The following PTPRT variants were observed in gnomAD, a reference collection of about 807,000 sequenced individuals.
The protein encoded by PTPRT is receptor-type tyrosine-protein phosphatase T.
Under a neutral mutation model 176.8 loss-of-function variants are expected in PTPRT, and 56 were observed. The observed-to-expected ratio is 0.32, with a 90% CI of 0.26 to 0.40. The LOEUF (loss-of-function observed/expected upper bound fraction) is 0.40. Ranked by LOEUF, PTPRT falls within the 10% of genes least tolerant of loss-of-function variation. PTPRT has a pLI of 1.00. For synonymous variants in PTPRT, 783 were observed against 739.0 expected, an observed-to-expected ratio of 1.06 and a Z score of -0.96; for missense variants, 1,540 against 1,908.2, an observed-to-expected ratio of 0.81 and a Z score of 3.60.
rs2079094724 is a variant in PTPRT, at chr20:42,885,910, G to C, written c.111C>G (p.His37Gln). 6.2e-7 allele frequency: 1 copy of C among 1,609,580 alleles called. No homozygotes were observed. Among genetic ancestry groups the C allele is most frequent in the Non-Finnish European group, 8.5e-7 (1 of 1,176,992 alleles). ...CCACACTATAACCACAGTTGCTGTA[G>C]TGCTCATCAAAGGAACAGCCACCTG... The part of the protein sequence containing the change: ...SAAGGCSFDE[H>Q]YSNCGYSVAL... The change falls in exon 2 of 31, where the codon CAC becomes CAG. Residue 37 changes from histidine (H) to glutamine (Q), a missense_variant. His to Gln is a conservative substitution (Grantham distance 24, BLOSUM62 0). Transcript: ENST00000373187.
intron 11 of PTPRT, among the ~76,000 whole-genome samples, chr20:42,328,994 A>G (rs2057925490): frequency 1.3e-5 from 2 of 152,092 alleles, no homozygotes; most frequent in South Asian, 4.1e-4. Context: ...TCTCTCACAC[A>G]GTTTCCCTAA....
intron 13 of PTPRT, among the ~76,000 whole-genome samples, chr20:42,260,751 C>A (rs905202623): frequency 6.6e-6 from 1 of 152,078 alleles, no homozygotes; most frequent in African/African-American, 2.4e-5. Context: ...AAAGCCCAGG[C>A]CAGGGCATGA....
chr20:42,283,155 G>A (rs1241918708), intron 12 of PTPRT, among the ~76,000 whole-genome samples: 2 of 152,126 alleles, frequency 1.3e-5, no homozygotes, highest in Non-Finnish European at 2.9e-5. Context: ...AAGTAAAAAG[G>A]ATTCATAAAT....
rs188360755 is a variant in PTPRT, at chr20:42,228,125, T to C, written c.2342+8104A>G. Among the ~76,000 whole-genome samples, 704 of 152,366 alleles carry C rather than the reference T, an allele frequency of 4.6e-3. 3 individuals carry two copies. Among genetic ancestry groups the C allele is most frequent in the Non-Finnish European group, 7.1e-3 (480 of 68,034 alleles). On this transcript the variant is annotated intron_variant, in intron 15 of 30. Coordinates refer to ENST00000373187, the MANE Select transcript of PTPRT (RefSeq NM_007050.6). ...GCCTCAAGACATCACTAATACCTGG[T>C]TGGTATTATTAGGTTGGTTTAAAAG...
chr20:42,886,056 T>C (rs957984876), intron 1 of PTPRT, 124 bp from the exon 2 acceptor site: 5 of 368,750 alleles, frequency 1.4e-5, no homozygotes, highest in African/African-American at 1.1e-4. Context: ...TTTCCATATA[T>C]ATATATATAT....
At chr20:42,909,351 C>A (rs2079517159) in intron 1 of PTPRT, among the ~76,000 whole-genome samples, 1 of 152,180 alleles carries the variant, frequency 6.6e-6, no homozygotes, top group Non-Finnish European at 1.5e-5. Flanking sequence ...TCCCACCCCT[C>A]ACCCCTAAAA....
At chr20:42,717,956 G>T (rs2076250416) in intron 6 of PTPRT, among the ~76,000 whole-genome samples, 1 of 152,170 alleles carries the variant, frequency 6.6e-6, no homozygotes, top group Non-Finnish European at 1.5e-5. Flanking sequence ...ATACCACAAT[G>T]AGCTATCACC....
At chr20:43,109,839 T>G (rs2012784276) in intron 1 of PTPRT, among the ~76,000 whole-genome samples, 1 of 152,094 alleles carries the variant, frequency 6.6e-6, no homozygotes, top group Admixed American at 6.5e-5. Flanking sequence ...GCAAAGGTCC[T>G]GGGGCCAAAA....
At chr20:42,608,467 A>G (rs184146525) in intron 7 of PTPRT, among the ~76,000 whole-genome samples, 1 of 152,304 alleles carries the variant, frequency 6.6e-6, no homozygotes, top group Non-Finnish European at 1.5e-5. Flanking sequence ...GGCAGGAGGA[A>G]GGAGACTCTG....
chr20:42,662,972 G>C (rs1015200291), intron 7 of PTPRT, among the ~76,000 whole-genome samples: 4 of 151,940 alleles, frequency 2.6e-5, no homozygotes, highest in Non-Finnish European at 5.9e-5. Flanking sequence ...ATATATGTGT[G>C]TGTGTGTGTG....
At chr20:42,325,166 G>A (rs1298732188) in intron 11 of PTPRT, among the ~76,000 whole-genome samples, 1 of 152,024 alleles carries the variant, frequency 6.6e-6, no homozygotes, top group African/African-American at 2.4e-5. Flanking sequence ...AAGGATTCTG[G>A]GAAGGAAGGA....
chr20:43,085,396 T>C (rs1469593753), intron 1 of PTPRT, among the ~76,000 whole-genome samples: 1 of 152,194 alleles, frequency 6.6e-6, no homozygotes, highest in African/African-American at 2.4e-5. Context: ...TATTAGCATA[T>C]AATCTGGGAA....
At chr20:42,883,715 C>CACACTCATATGCTCCCATACACATGCAT (rs2079047188) in intron 2 of PTPRT, among the ~76,000 whole-genome samples, 1 of 143,734 alleles carries the variant, frequency 7.0e-6, no homozygotes, top group African/African-American at 2.7e-5. Flanking sequence ...CCCCCATACA[C>CACACTCATATGCTCCCATACACATGCAT]ACACACCCAT....
At chr20:42,755,479 A>G (rs964756809) in intron 6 of PTPRT, among the ~76,000 whole-genome samples, 1 of 152,314 alleles carries the variant, frequency 6.6e-6, no homozygotes, top group Middle Eastern at 3.4e-3. Flanking sequence ...TCATTCACTA[A>G]ATTATGCTAT....
rs77648054 is a variant in PTPRT, at chr20:42,191,343, G to A, written c.2491+7897C>T. On this transcript the variant is annotated intron_variant, in intron 16 of 30. Coordinates refer to ENST00000373187, the MANE Select transcript of PTPRT (RefSeq NM_007050.6). ...CATGATTTCTACATTAGGCAGTCACGTGATGAATATTTAGAGGTTAATTAA... is the reference window on the plus strand; with the variant it reads ...CATGATTTCTACATTAGGCAGTCACATGATGAATATTTAGAGGTTAATTAA... 1.3e-3 allele frequency among the ~76,000 whole-genome samples: 194 copies of A among 152,278 alleles called. 3 individuals carry two copies. The highest frequency in any genetic ancestry group is 4.4e-3 in the African/African-American group (182 of 41,558).
At chr20:42,922,541 A>G (rs1979214971) in intron 1 of PTPRT, among the ~76,000 whole-genome samples, 1 of 152,192 alleles carries the variant, frequency 6.6e-6, no homozygotes, top group Admixed American at 6.5e-5. Flanking sequence ...ACTCTTCTCC[A>G]AACCCGTTCC....
At chr20:42,465,386 A>G (rs2071086941) in intron 8 of PTPRT, among the ~76,000 whole-genome samples, 1 of 152,230 alleles carries the variant, frequency 6.6e-6, no homozygotes, top group African/African-American at 2.4e-5. Context: ...TATTTATGAT[A>G]GTAAATAACG....
intron 1 of PTPRT, among the ~76,000 whole-genome samples, chr20:42,937,143 A>C (rs550838509): frequency 1.3e-5 from 2 of 152,348 alleles, no homozygotes; most frequent in African/African-American, 4.8e-5. Flanking sequence ...AAGTCTTGCT[A>C]TATAGGCACA....
intron 1 of PTPRT, among the ~76,000 whole-genome samples, chr20:43,132,878 A>G (rs2013689987): frequency 6.6e-6 from 1 of 152,162 alleles, no homozygotes; most frequent in Non-Finnish European, 1.5e-5. Context: ...AGCTTTATAT[A>G]TAGTTTATAT....
Sources: gnomAD v4.1 joint callset for allele counts (sites outside exome capture counted in the v4.1 genomes callset) on GRCh38, gnomAD v4.1.1 for gene constraint, MANE v1.5 for transcripts, NCBI Gene and HGNC (gene_info 2026-07-23, HGNC 2026-07-21) for gene names.